VTI1A: variants seen among roughly 807,000 people sequenced by gnomAD.
VTI1A encodes vesicle transport through interaction with t-SNAREs 1A, also known as vesicle transport through interaction with t-SNAREs homolog 1A.
VTI1A carries 22 observed loss-of-function variants against 34.9 expected under a neutral mutation model. That is an observed-to-expected ratio of 0.63 (90% confidence interval 0.45 to 0.90). The LOEUF (loss-of-function observed/expected upper bound fraction) is 0.90. Ranked by LOEUF, VTI1A falls within the 40% of genes least tolerant of loss-of-function variation. VTI1A has a pLI of 0.00. For missense variants in VTI1A, 268 were observed against 275.6 expected, an observed-to-expected ratio of 0.97 and a Z score of 0.20; for synonymous variants, 87 against 97.3, an observed-to-expected ratio of 0.89 and a Z score of 0.62.
At chr10:112,554,598 ATT>A (rs1851481283) in intron 5 of VTI1A, among the ~76,000 whole-genome samples, 1 of 152,174 alleles carries the variant, frequency 6.6e-6, no homozygotes, top group East Asian at 1.9e-4. Context: ...TAGTCTTCAT[ATT>A]TATTGAGTAC....
chr10:112,608,936 T>C (rs2120932), intron 5 of VTI1A, among the ~76,000 whole-genome samples: 12,892 of 152,236 alleles, frequency 0.085, 683 homozygotes, highest in African/African-American at 0.15. Flanking sequence ...TATCATGAGA[T>C]GTAGCAGCTT....
intron 3 of VTI1A, among the ~76,000 whole-genome samples, chr10:112,480,863 G>A (rs1848439999): frequency 6.6e-6 from 1 of 152,130 alleles, no homozygotes; most frequent in Non-Finnish European, 1.5e-5. Flanking sequence ...GATTTAATTG[G>A]CATGGGGTGC....
intron 7 of VTI1A, among the ~76,000 whole-genome samples, chr10:112,699,430 T>C (rs1848911198): frequency 6.6e-6 from 1 of 152,222 alleles, no homozygotes; most frequent in South Asian, 2.1e-4. Flanking sequence ...CTGAGAAAAA[T>C]AGTAGTTCTT....
intron 7 of VTI1A, among the ~76,000 whole-genome samples, chr10:112,734,079 C>A (rs1850369751): frequency 6.6e-6 from 1 of 152,054 alleles, no homozygotes; most frequent in African/African-American, 2.4e-5. Context: ...TGCTCCTGCC[C>A]CTTTCAAATG....
At chr10:112,617,627 T>G (rs1365702121) in intron 5 of VTI1A, among the ~76,000 whole-genome samples, 1 of 152,158 alleles carries the variant, frequency 6.6e-6, no homozygotes, top group African/African-American at 2.4e-5. Context: ...TCAAGTATTC[T>G]AAGGGCCTTG....
chr10:112,707,478 C>T (rs571829957), intron 7 of VTI1A, among the ~76,000 whole-genome samples: 5 of 152,208 alleles, frequency 3.3e-5, no homozygotes, highest in Admixed American at 3.3e-4. Context: ...GGATTACAGG[C>T]ACGCGCCCCC....
At chr10:112,720,829 A>AG (rs1245496378) in intron 7 of VTI1A, among the ~76,000 whole-genome samples, 1 of 152,186 alleles carries the variant, frequency 6.6e-6, no homozygotes, top group Admixed American at 6.5e-5. Flanking sequence ...CAAGGACCTA[A>AG]GAGGTGAAAT....
At chr10:112,507,267 G>A (rs755531904) in intron 3 of VTI1A, among the ~76,000 whole-genome samples, 5 of 152,048 alleles carry the variant, frequency 3.3e-5, no homozygotes, top group African/African-American at 7.2e-5. Flanking sequence ...TTTCAGCTGA[G>A]CCACAGGGAG....
At chr10:112,611,180 T>A (rs1318773161) in intron 5 of VTI1A, among the ~76,000 whole-genome samples, 1 of 152,206 alleles carries the variant, frequency 6.6e-6, no homozygotes, top group Non-Finnish European at 1.5e-5. Flanking sequence ...AATAGAGTAA[T>A]GTTACTTGCT....
chr10:112,607,528 G>A (rs779699345), intron 5 of VTI1A, among the ~76,000 whole-genome samples: 2 of 152,096 alleles, frequency 1.3e-5, no homozygotes, highest in Non-Finnish European at 2.9e-5. Flanking sequence ...GCCTAAAATG[G>A]GAAGGTAGGA....
At chr10:112,556,756 C>T (rs950845460) in intron 5 of VTI1A, among the ~76,000 whole-genome samples, 8 of 151,852 alleles carry the variant, frequency 5.3e-5, no homozygotes, top group South Asian at 2.1e-4. Flanking sequence ...GTTTTTCAAG[C>T]GATGAATGCC....
chr10:112,824,791 CTCA>C, the VTI1A span: 1 of 152,318 alleles, frequency 6.6e-6, no homozygotes, highest in Admixed American at 6.5e-5. Context: ...CCTCGGTTTC[CTCA>C]TCCACAAAAT....
intron 5 of VTI1A, among the ~76,000 whole-genome samples, chr10:112,555,650 C>G (rs1040336421): frequency 1.2e-4 from 18 of 151,972 alleles, no homozygotes; most frequent in Admixed American, 1.1e-3. Flanking sequence ...CTTTTTAGAT[C>G]AATAAAGAGC....
chr10:112,753,730 A>G (rs184511935), intron 7 of VTI1A, among the ~76,000 whole-genome samples: 4 of 152,332 alleles, frequency 2.6e-5, no homozygotes, highest in East Asian at 1.9e-4. Context: ...GGAGCAGAGT[A>G]TGATTATTTT....
At chr10:112,542,512 A>G (rs151186364) in intron 5 of VTI1A, among the ~76,000 whole-genome samples, 113 of 152,124 alleles carry the variant, frequency 7.4e-4, no homozygotes, top group Admixed American at 1.7e-3. Flanking sequence ...GTGGCCACTG[A>G]TCTCTCCACG....
chr10:112,616,547 C>T (rs942636060), intron 5 of VTI1A, among the ~76,000 whole-genome samples: 4 of 151,524 alleles, frequency 2.6e-5, no homozygotes, highest in African/African-American at 7.3e-5. Flanking sequence ...ATTTACCAAA[C>T]ATACAAAGAA....
At chr10:112,798,994 T>C (rs1445004976) in intron 7 of VTI1A, among the ~76,000 whole-genome samples, 1 of 152,234 alleles carries the variant, frequency 6.6e-6, no homozygotes, top group Non-Finnish European at 1.5e-5. Flanking sequence ...TCTCTGCTTA[T>C]GCTTCTCGTG....
At chr10:112,736,302 G>C (rs1181278408) in intron 7 of VTI1A, among the ~76,000 whole-genome samples, 1 of 151,354 alleles carries the variant, frequency 6.6e-6, no homozygotes, top group East Asian at 1.9e-4. Flanking sequence ...TTATTTACTT[G>C]ATTATTGTGA....
chr10:112,803,290 A>G (rs1439709711), intron 7 of VTI1A, among the ~76,000 whole-genome samples: 2 of 151,342 alleles, frequency 1.3e-5, no homozygotes, highest in Non-Finnish European at 2.9e-5. Context: ...CTGGTCTCAA[A>G]CTCCTGATCT....
Sources: gnomAD v4.1 joint callset for allele counts (sites outside exome capture counted in the v4.1 genomes callset) on GRCh38, gnomAD v4.1.1 for gene constraint, MANE v1.5 for transcripts, NCBI Gene and HGNC (gene_info 2026-07-23, HGNC 2026-07-21) for gene names.